Variants in OLFML2B observed in about 807,000 individuals in gnomAD.
The protein encoded by OLFML2B is olfactomedin like 2B, also known as olfactomedin-like protein 2B.
Under a neutral mutation model 74.9 loss-of-function variants are expected in OLFML2B, and 57 were observed. The ratio of observed to expected loss-of-function variants is 0.76; its 90% CI spans 0.61 to 0.95. The LOEUF (loss-of-function observed/expected upper bound fraction) is 0.95, where lower values mean the gene tolerates loss of function less well. Among genes scored for constraint, OLFML2B ranks in the 40% least tolerant of loss-of-function variants. The pLI is 0.00. For missense variants in OLFML2B, 986 were observed against 970.6 expected, an observed-to-expected ratio of 1.02 and a Z score of -0.21; for synonymous variants, 388 against 405.8, an observed-to-expected ratio of 0.96 and a Z score of 0.53.
At chr1:162,015,199 T>C (rs1200511852) in intron 3 of OLFML2B, among the ~76,000 whole-genome samples, 2 of 152,234 alleles carry the variant, frequency 1.3e-5, no homozygotes, top group Non-Finnish European at 1.5e-5. Flanking sequence ...GATACTCTCA[T>C]TGATGTAACT....
intron 3 of OLFML2B, among the ~76,000 whole-genome samples, chr1:162,008,321 T>C (rs1690289456): frequency 6.6e-6 from 1 of 152,170 alleles, no homozygotes; most frequent in Non-Finnish European, 1.5e-5. Flanking sequence ...CAAGAACTCA[T>C]GACTAACCTC....
chr1:162,001,552 C>T (rs1240127473), intron 4 of OLFML2B, among the ~76,000 whole-genome samples: 1 of 152,200 alleles, frequency 6.6e-6, no homozygotes, highest in Non-Finnish European at 1.5e-5. Flanking sequence ...CCCTGGACTG[C>T]CTGCCTCCAG....
At chr1:161,990,644 C>T (rs1411828066) in intron 6 of OLFML2B, among the ~76,000 whole-genome samples, 1 of 152,184 alleles carries the variant, frequency 6.6e-6, no homozygotes, top group Non-Finnish European at 1.5e-5. Flanking sequence ...GCTGATTGAT[C>T]AGAGGAGTGG....
chr1:161,997,163 G>GA lies in OLFML2B; in HGVS notation c.1474+661dup, dbSNP rs200700139. Reference sequence around the variant, plus strand: ...CAGAGCGAGACTCTGTCTCAAAAAAGAAAAAAAAAGAAAACTCTTATTCAT... The same window carrying GA: ...CAGAGCGAGACTCTGTCTCAAAAAAGAAAAAAAAAAGAAAACTCTTATTCAT... On this transcript the variant is annotated intron_variant, in intron 6 of 7. Transcript: ENST00000294794. Among the ~76,000 whole-genome samples the GA allele has an allele frequency of 1.3e-3, 201 of 150,866 alleles. 4 individuals are homozygous for GA. The East Asian group carries it at 0.029, about 22-fold the overall frequency.
chr1:162,018,461 G>A (rs547710254), intron 2 of OLFML2B, among the ~76,000 whole-genome samples: 1 of 152,262 alleles, frequency 6.6e-6, no homozygotes, highest in South Asian at 2.1e-4. Context: ...TCTACTAAAG[G>A]CTCTGAAAGA....
At chr1:162,012,032 TTAAA>T (rs1247201429) in intron 3 of OLFML2B, among the ~76,000 whole-genome samples, 2 of 152,194 alleles carry the variant, frequency 1.3e-5, no homozygotes, top group Non-Finnish European at 2.9e-5. Flanking sequence ...GTAAATTGAA[TTAAA>T]TAGTGTTAGG....
chr1:162,007,635 G>A (rs555707291), intron 3 of OLFML2B, among the ~76,000 whole-genome samples: 1 of 152,206 alleles, frequency 6.6e-6, no homozygotes, highest in African/African-American at 2.4e-5. Context: ...AAGTGTAAAA[G>A]CTGACATTGC....
chr1:161,988,689 T>C (rs1005567882), intron 6 of OLFML2B, among the ~76,000 whole-genome samples: 1 of 151,940 alleles, frequency 6.6e-6, no homozygotes, highest in Non-Finnish European at 1.5e-5. Context: ...CTGCCTGCTT[T>C]CAAATGCCAC....
Position 162,023,778 on chromosome 1 carries a change from G to A in OLFML2B, c.-348C>T. 5.9e-6 allele frequency: 1 copy of A among 170,730 alleles called. No individual in the cohort carries two copies. Among genetic ancestry groups the A allele is most frequent in the South Asian group, 1.9e-4 (1 of 5,278 alleles). 10.6% of individuals were successfully genotyped at this position (170,730 alleles called of 1,614,324 possible). On this transcript the variant is annotated 5_prime_UTR_variant, in exon 1 of 8. Coordinates refer to ENST00000294794, the MANE Select transcript of OLFML2B (RefSeq NM_015441.3). ...GTTCGGACAGACGCCCGCGGTGCGC[G>A]CCGGGACGGGCGGCGGGGAGCCTCG...
intron 6 of OLFML2B, among the ~76,000 whole-genome samples, chr1:161,987,929 A>G (rs10494362): frequency 0.28 from 42,648 of 152,068 alleles, 6,754 homozygotes; most frequent in African/African-American, 0.42. Context: ...AAGGGAAGAG[A>G]TCAGTAAACC....
At chr1:161,995,244 A>AC (rs11373176) in intron 6 of OLFML2B, among the ~76,000 whole-genome samples, 131,171 of 152,160 alleles carry the variant, frequency 0.86, 56,711 homozygotes, top group African/African-American at 0.89. Flanking sequence ...TCTCTGGGCC[A>AC]CCCCTCCTCT....
At chr1:162,004,593 G>A (rs561628784) in intron 4 of OLFML2B, among the ~76,000 whole-genome samples, 47 of 152,214 alleles carry the variant, frequency 3.1e-4, no homozygotes, top group Non-Finnish European at 5.3e-4. Context: ...GAACATGTGT[G>A]CCCAAGATCC....
intron 6 of OLFML2B, among the ~76,000 whole-genome samples, chr1:161,990,502 C>T (rs1689705558): frequency 6.6e-6 from 1 of 152,138 alleles, no homozygotes; most frequent in African/African-American, 2.4e-5. Context: ...GGTTCAATAA[C>T]ATTATGTCTA....
At chr1:162,013,926 ACACACACACAC>A (rs1373429280) in intron 3 of OLFML2B, among the ~76,000 whole-genome samples, 2 of 149,084 alleles carry the variant, frequency 1.3e-5, no homozygotes, top group African/African-American at 5.1e-5. Context: ...ACACACACAC[ACACACACACAC>A]ACTTCTGTAG....
At chr1:162,021,396 C>A (rs1339924083) in intron 1 of OLFML2B, among the ~76,000 whole-genome samples, 1 of 152,228 alleles carries the variant, frequency 6.6e-6, no homozygotes, top group Non-Finnish European at 1.5e-5. Context: ...GGAGCCCCAA[C>A]TCTGGGCGCT....
At chr1:162,014,224 G>A (rs1436386267) in intron 3 of OLFML2B, among the ~76,000 whole-genome samples, 2 of 152,144 alleles carry the variant, frequency 1.3e-5, no homozygotes, top group Admixed American at 1.3e-4. Context: ...TTCTATGCAT[G>A]TGTCGTTTTT....
chr1:161,991,900 A>G (rs529905166), intron 6 of OLFML2B, among the ~76,000 whole-genome samples: 40 of 152,320 alleles, frequency 2.6e-4, no homozygotes, highest in African/African-American at 9.6e-4. Context: ...GGATTTTTAG[A>G]ATGGTAAATG....
rs1249755284 is a variant in OLFML2B at position 161,983,357 on chromosome 1, A to G, written c.*318T>C. 4.9e-6 allele frequency: 1 copy of G among 205,898 alleles called. No homozygotes were observed. Among genetic ancestry groups the G allele is most frequent in the Non-Finnish European group, 9.7e-6 (1 of 103,326 alleles). 12.8% of individuals were successfully genotyped at this position (205,898 alleles called of 1,614,324 possible). ...CCTCCTGCAAGACCCAGATGAAGAA[A>G]CCTTTTCAATGGTCGAGATCTGAGA... On this transcript the variant is annotated 3_prime_UTR_variant, in exon 8 of 8. Transcript: ENST00000294794.
At chr1:162,005,692 G>A (rs1558062543) in intron 4 of OLFML2B, among the ~76,000 whole-genome samples, 1 of 152,022 alleles carries the variant, frequency 6.6e-6, no homozygotes, top group Non-Finnish European at 1.5e-5. Flanking sequence ...AGGAGTTCCA[G>A]ACCAGCCGCA....
Sources: allele counts gnomAD v4.1 joint callset (sites outside exome capture counted in the v4.1 genomes callset), GRCh38; gene constraint gnomAD v4.1.1; transcripts MANE v1.5; gene names NCBI Gene and HGNC (gene_info 2026-07-23, HGNC 2026-07-21).